ADGRD1: variants seen among roughly 807,000 people sequenced by gnomAD.
ADGRD1 encodes the protein G-protein coupled receptor 133.
In ADGRD1, 77 loss-of-function variants were observed where a neutral mutation model predicts 113.4. That is an observed-to-expected ratio of 0.68 (90% CI 0.57 to 0.82). The LOEUF (loss-of-function observed/expected upper bound fraction) is 0.82, where lower values mean the gene tolerates loss of function less well. ADGRD1 is among the 40% of genes least tolerant of loss of function. ADGRD1 has a pLI of 0.00. For synonymous variants in ADGRD1, 474 were observed against 475.0 expected (o/e 1.00, Z 0.03); for missense variants, 1,036 against 1,139.1 (o/e 0.91, Z 1.30).
chr12:130,985,970 T>G (rs956924177), intron 5 of ADGRD1, among the ~76,000 whole-genome samples: 2 of 152,234 alleles, frequency 1.3e-5, no homozygotes, highest in African/African-American at 4.8e-5. Flanking sequence ...ATTGGTTGAC[T>G]GTATTTTTAT....
intron 13 of ADGRD1, among the ~76,000 whole-genome samples, chr12:131,029,900 G>A (rs774740583): frequency 1.0e-4 from 10 of 99,314 alleles, no homozygotes; most frequent in African/African-American, 3.6e-4. Flanking sequence ...TGGACCCCTC[G>A]TTCGGTGACA....
chr12:131,084,760 C>A lies in ADGRD1; in HGVS notation c.1671+97C>A. On this transcript the variant is annotated intron_variant, in intron 15 of 24. Transcript: ENST00000261654. This position sits in a 1 kb window ranked among gnomAD's most constrained non-coding sequence, Gnocchi z 4.5. ...TGCTTTGCCCGCCAGTGCCCACGGGCCCTGGGCACATTACTCCATGGGGCC... is the reference window on the plus strand; with the variant it reads ...TGCTTTGCCCGCCAGTGCCCACGGGACCTGGGCACATTACTCCATGGGGCC... 7.5e-7 allele frequency: 1 copy of A among 1,335,410 alleles called. No homozygotes were observed. Among genetic ancestry groups the A allele is most frequent in the Non-Finnish European group, 1.0e-6 (1 of 955,960 alleles). The allele number at this position is 1,335,410 out of a possible 1,614,324, so 82.7% of individuals were successfully genotyped here.
intron 15 of ADGRD1, among the ~76,000 whole-genome samples, chr12:131,089,464 G>A (rs1402875183): frequency 2.6e-5 from 4 of 152,196 alleles, no homozygotes; most frequent in African/African-American, 9.7e-5. Flanking sequence ...CGACCACCTG[G>A]GAGTAAGGGG....
rs565303551 is a variant in ADGRD1, at chr12:131,130,704, G to A, written c.2176-1021G>A. Among the ~76,000 whole-genome samples, 29 of 152,058 alleles carry A rather than the reference G, an allele frequency of 1.9e-4. No individual in the cohort carries two copies. In the South Asian group the frequency reaches 4.6e-3, roughly 24 times the overall value. On this transcript the variant is annotated intron_variant, in intron 20 of 24. Transcript: ENST00000261654. ...GAGGGGTGCAGGTGTGCGGAACAGC[G>A]ATGCTGGCCCATCCCGTGCGGGGGA...
intron 6 of ADGRD1, 113 bp from the exon 7 acceptor site, chr12:130,990,901 T>G: frequency 1.3e-6 from 1 of 751,190 alleles, no homozygotes; most frequent in Non-Finnish European, 2.3e-6. Flanking sequence ...CAAAACATTC[T>G]CAGACTCTCT....
At chr12:131,001,470 C>T (rs1467085791) in intron 9 of ADGRD1, among the ~76,000 whole-genome samples, 1 of 152,222 alleles carries the variant, frequency 6.6e-6, no homozygotes, top group Non-Finnish European at 1.5e-5. Context: ...AACAGATATA[C>T]TGTATATTTG....
rs1257048354 is a variant in ADGRD1, at chr12:131,005,980, A to G, written c.1264A>G (p.Thr422Ala). The G allele has an allele frequency of 3.4e-5, 55 of 1,610,868 alleles. No individual in the cohort carries two copies. The highest frequency in any genetic ancestry group is 4.6e-5 in the Non-Finnish European group (54 of 1,179,920). ...HEAFHRHAWS[T>A]VVGLLYHSMH... ...CTCTGCTCTCTCTGCAGCCTGGAGCACCGTCGTGGGTCTGCTGTACCACAG... is the reference window on the plus strand; with the variant it reads ...CTCTGCTCTCTCTGCAGCCTGGAGCGCCGTCGTGGGTCTGCTGTACCACAG... Residue 422 changes from threonine (T) to alanine (A), a missense_variant, in exon 12 of 25, where the codon ACC becomes GCC. Physicochemically the swap from Thr to Ala is moderately conservative, Grantham distance 58. Transcript: ENST00000261654.
intron 14 of ADGRD1, among the ~76,000 whole-genome samples, chr12:131,081,471 C>T (rs536799121): frequency 1.3e-5 from 2 of 152,110 alleles, no homozygotes; most frequent in African/African-American, 4.8e-5. Flanking sequence ...TAGTGGTTGA[C>T]CTAAGCTTAC....
Position 131,105,767 on chromosome 12 carries a change from A to G in ADGRD1, c.1789A>G (p.Ile597Val). 2 of 1,601,244 alleles carry G rather than the reference A, an allele frequency of 1.2e-6. No homozygotes were observed. Among genetic ancestry groups the G allele is most frequent in the African/African-American group, 2.7e-5 (2 of 75,038 alleles). The part of the protein sequence containing the change: ...TFAVLSSVST[I>V]RNQRYHIHAN... ...CTCTGTCCTCAGCTCCGTGAGCACC[A>G]TCCGGAACCAGCGCTACCACATCCA... Residue 597 changes from isoleucine to valine, a missense_variant, in exon 17 of 25, where the codon ATC (isoleucine) becomes GTC (valine). Transcript: ENST00000261654.
chr12:131,073,615 T>C (rs1566084942), intron 13 of ADGRD1, among the ~76,000 whole-genome samples: 2 of 152,372 alleles, frequency 1.3e-5, no homozygotes, highest in South Asian at 4.1e-4. Context: ...TCTGTTGTTA[T>C]AATAGAATAT....
At chr12:131,034,385 C>T (rs2136945223) in intron 13 of ADGRD1, among the ~76,000 whole-genome samples, 1 of 152,374 alleles carries the variant, frequency 6.6e-6, no homozygotes, top group Non-Finnish European at 1.5e-5. Context: ...CCTGACTGTC[C>T]TCCACTGCCC....
At chr12:131,121,869 TG>T (rs1245769144) in intron 20 of ADGRD1, 1 of 152,364 alleles carries the variant, frequency 6.6e-6, no homozygotes, top group Non-Finnish European at 1.5e-5. Context: ...TGGTTCTCAT[TG>T]GCTGCGGTGA....
intron 20 of ADGRD1, 62 bp from the exon 21 acceptor site, chr12:131,131,663 C>A: frequency 8.3e-7 from 1 of 1,205,968 alleles, no homozygotes; most frequent in Non-Finnish European, 1.2e-6. Flanking sequence ...GCCAGGCGGA[C>A]GCAGCTCTCC....
intron 15 of ADGRD1, among the ~76,000 whole-genome samples, chr12:131,101,578 G>A (rs1475602824): frequency 9.9e-5 from 15 of 151,670 alleles, no homozygotes; most frequent in Admixed American, 9.8e-4. Flanking sequence ...AGGAGAGACG[G>A]GATTTCACCA....
rs1388787860 is a variant in ADGRD1, at chr12:130,982,061, C to T, written c.488C>T (p.Pro163Leu). The change falls in exon 5 of 25, where the codon CCA becomes CTA. Residue 163 changes from proline to leucine, a missense_variant and splice_region_variant. Pro to Leu is a moderately conservative substitution (Grantham distance 98, BLOSUM62 -3). Coordinates refer to ENST00000261654, the MANE Select transcript of ADGRD1 (RefSeq NM_198827.5). ...ACATGGGAGGCCTCCTTCAGCCCCCCAGGTGAGTGACAGCATCGGTCCCGG... is the reference window on the plus strand; with the variant it reads ...ACATGGGAGGCCTCCTTCAGCCCCCTAGGTGAGTGACAGCATCGGTCCCGG... ...SMTWEASFSP[P>L]GPYWTHVLFT... The T allele has an allele frequency of 1.2e-6, 2 of 1,612,730 alleles. No homozygotes were observed. Among genetic ancestry groups the T allele is most frequent in the Non-Finnish European group, 1.7e-6 (2 of 1,179,356 alleles).
chr12:131,006,015 C>T lies in ADGRD1; in HGVS notation c.1299C>T (p.Tyr433=), dbSNP rs752575128. 2.5e-6 allele frequency: 4 copies of T among 1,612,768 alleles called. No homozygotes were observed. The South Asian group carries it at 4.4e-5, about 18-fold the overall frequency. ...GTCTGCTGTACCACAGCATGCACTA[C>T]TACCTGAACAACATCTGGCCCGCCC... ...VVGLLYHSMH[Y]YLNNIWPAHT... Residue 433 remains tyrosine (Y), a synonymous_variant, in exon 12 of 25, where the codon TAC becomes TAT. Coordinates refer to ENST00000261654, the MANE Select transcript of ADGRD1 (RefSeq NM_198827.5).
rs1467919449 is a variant in ADGRD1, at chr12:131,133,765, C to G, written c.2267+1949C>G. On this transcript the variant is annotated intron_variant, in intron 21 of 24. Coordinates refer to ENST00000261654, the MANE Select transcript of ADGRD1 (RefSeq NM_198827.5). ...TGTGGATTGTGTAACACTTGACTCC[C>G]AGGGCTGAGGAAGCACAGCCAGGGA... 2.6e-5 allele frequency among the ~76,000 whole-genome samples: 4 copies of G among 152,310 alleles called. No individual in the cohort carries two copies. The East Asian group carries it at 7.7e-4, about 29-fold the overall frequency.
rs1351506656 is a variant in ADGRD1, at chr12:131,032,990, G to A, written c.1473+18650G>A. ...ATCGCCACCCCGTCACAGAGGTGAC[G>A]CTTATTAGAGAAATCGCCACCCCGT... is the stretch of plus-strand genomic sequence containing the variant. On this transcript the variant is annotated intron_variant, in intron 13 of 24. Transcript: ENST00000261654. Among the ~76,000 whole-genome samples the A allele has an allele frequency of 2.0e-5, 3 of 150,830 alleles. 1 individual carries two copies. Among genetic ancestry groups the A allele is most frequent in the East Asian group, 2.0e-4 (1 of 5,044 alleles).
rs1281417525 is a variant in ADGRD1, at chr12:131,060,514, C to A, written c.1474-16287C>A. ...TAACTGCTGGCTGGGTCACACCATG[C>A]AGAGACTGGCCAAGTCAGTCCTGGG... On this transcript the variant is annotated intron_variant, in intron 13 of 24. Coordinates refer to ENST00000261654, the MANE Select transcript of ADGRD1 (RefSeq NM_198827.5). This position sits in a 1 kb window ranked among gnomAD's most constrained non-coding sequence, Gnocchi z 4.4. Among the ~76,000 whole-genome samples, 1 of 152,208 alleles carries A rather than the reference C, an allele frequency of 6.6e-6. No homozygotes were observed. Among genetic ancestry groups the A allele is most frequent in the African/African-American group, 2.4e-5 (1 of 41,456 alleles).
Sources: allele counts gnomAD v4.1 joint callset (sites outside exome capture counted in the v4.1 genomes callset), GRCh38; gene constraint gnomAD v4.1.1; non-coding constraint Gnocchi (gnomAD v3.1); transcripts MANE v1.5; gene names NCBI Gene and HGNC (gene_info 2026-07-23, HGNC 2026-07-21).